TNN: variants seen among roughly 807,000 people sequenced by gnomAD.
The protein encoded by TNN is tenascin-N.
A neutral mutation model predicts 134.4 loss-of-function variants in TNN; 122 were observed. The observed-to-expected ratio is 0.91, with a 90% CI of 0.78 to 1.06. TNN has a LOEUF of 1.06. Among genes scored for constraint, TNN ranks in the 50% least tolerant of loss-of-function variants. TNN has a pLI of 0.00. For synonymous variants in TNN, 710 were observed against 670.3 expected, an observed-to-expected ratio of 1.06 and a Z score of -0.91; for missense variants, 1,739 against 1,699.4, an observed-to-expected ratio of 1.02 and a Z score of -0.41.
intron 9 of TNN, among the ~76,000 whole-genome samples, chr1:175,114,202 C>A (rs1675107164): frequency 2.0e-5 from 3 of 152,154 alleles, no homozygotes; most frequent in South Asian, 2.1e-4. Context: ...TCTAGAGTGG[C>A]TTTCTTAGAG....
At chr1:175,079,823 C>T (rs1315817382) in intron 3 of TNN, 116 bp downstream of exon 3, 9 of 1,359,726 alleles carry the variant, frequency 6.6e-6, no homozygotes, top group East Asian at 2.5e-5. Flanking sequence ...CGCCAGATTG[C>T]TGAGTCCCAA....
At chr1:175,123,943 G>T (rs1458600495) in intron 12 of TNN, among the ~76,000 whole-genome samples, 1 of 152,212 alleles carries the variant, frequency 6.6e-6, no homozygotes, top group African/African-American at 2.4e-5. Flanking sequence ...TGGAGAAAAT[G>T]GTTGGGCCTC....
At chr1:175,084,867 C>T (rs1414410846) in intron 5 of TNN, among the ~76,000 whole-genome samples, 4 of 152,176 alleles carry the variant, frequency 2.6e-5, no homozygotes, top group African/African-American at 9.7e-5. Context: ...TGGCTCATGC[C>T]TGTGGTCCCA....
At chr1:175,070,684 A>G (rs1673896676) in intron 1 of TNN, among the ~76,000 whole-genome samples, 1 of 152,224 alleles carries the variant, frequency 6.6e-6, no homozygotes, top group Non-Finnish European at 1.5e-5. Flanking sequence ...GTTTGTATGT[A>G]CTTGCTTCTA....
chr1:175,095,604 C>T (rs1035100799), intron 7 of TNN, among the ~76,000 whole-genome samples: 2 of 152,204 alleles, frequency 1.3e-5, no homozygotes, highest in East Asian at 1.9e-4. Flanking sequence ...GACAGAGTCT[C>T]GCTCTCTTGC....
chr1:175,139,959 A>T (rs1456870411), intron 17 of TNN, among the ~76,000 whole-genome samples: 1 of 152,258 alleles, frequency 6.6e-6, no homozygotes, highest in African/African-American at 2.4e-5. Flanking sequence ...TCAGATATAG[A>T]AAAAGGCAGT....
chr1:175,121,399 C>A (rs1216922623), intron 11 of TNN, among the ~76,000 whole-genome samples: 1 of 152,184 alleles, frequency 6.6e-6, no homozygotes, highest in East Asian at 1.9e-4. Flanking sequence ...GGTGGAAGAG[C>A]AAGTGGCCTG....
rs537906597 is a variant in TNN at position 175,068,155 on chromosome 1, A to C, written c.-36+220A>C. Among the ~76,000 whole-genome samples the C allele has an allele frequency of 6.6e-5, 10 of 152,354 alleles. No homozygotes were observed. The East Asian group carries it at 1.9e-3, about 29-fold the overall frequency. On this transcript the variant is annotated intron_variant, in intron 1 of 18. Transcript: ENST00000239462. ...TTAGTATTATACTCCAGTCTCAGAC[A>C]GGGCTAAGCATAGTTATCCTCTTTC... is the stretch of plus-strand genomic sequence containing the variant.
intron 1 of TNN, among the ~76,000 whole-genome samples, chr1:175,069,194 T>A (rs1673863614): frequency 6.6e-6 from 1 of 152,160 alleles, no homozygotes; most frequent in Admixed American, 6.5e-5. Context: ...AGCTGAGGTG[T>A]CACCAAGGCA....
At chr1:175,108,462 C>T (rs963938102) in intron 9 of TNN, among the ~76,000 whole-genome samples, 4 of 152,262 alleles carry the variant, frequency 2.6e-5, no homozygotes, top group Non-Finnish European at 5.9e-5. Context: ...AGCTCGTACT[C>T]GTCAGCCCTT....
chr1:175,073,392 C>G (rs1040856046), intron 1 of TNN, among the ~76,000 whole-genome samples: 1 of 152,148 alleles, frequency 6.6e-6, no homozygotes, highest in Non-Finnish European at 1.5e-5. Flanking sequence ...TGCCTTCCAA[C>G]TCATTTTCCT....
chr1:175,099,577 A>AGGT (rs1674664794), intron 9 of TNN, among the ~76,000 whole-genome samples: 3 of 97,570 alleles, frequency 3.1e-5, no homozygotes, highest in African/African-American at 1.2e-4. Context: ...GGAAGAGGAG[A>AGGT]GATGAGGGCT....
In TNN at chr1:175,126,959, C is replaced by T. The variant is rs190706871; in HGVS notation, c.2919C>T (p.Leu973=). ...KKADTKAQTE[L]DPPRNLRPSA... is the part of the protein sequence containing the mutation. Reference sequence around the variant, plus strand: ...TACCTGACTTTCTACGTACAGAACTCGACCCTCCCAGAAACCTTCGTCCAT... The same window carrying T: ...TACCTGACTTTCTACGTACAGAACTTGACCCTCCCAGAAACCTTCGTCCAT... The change falls in exon 13 of 19, where the codon CTC becomes CTT. Residue 973 remains leucine, a synonymous_variant. Transcript: ENST00000239462. 175 of 1,610,776 alleles carry T rather than the reference C, an allele frequency of 1.1e-4. No individual in the cohort carries two copies. The East Asian group carries it at 2.0e-3, about 18-fold the overall frequency.
chr1:175,080,132 C>G (rs1674164498), intron 3 of TNN, 31 bp from the exon 4 acceptor site: 2 of 1,607,990 alleles, frequency 1.2e-6, no homozygotes, highest in Non-Finnish European at 1.7e-6. Flanking sequence ...CCTTGCTCAC[C>G]CTCTCTGCCC....
chr1:175,129,142 G>T (rs991576562), intron 15 of TNN, among the ~76,000 whole-genome samples: 1 of 151,780 alleles, frequency 6.6e-6, no homozygotes, highest in Admixed American at 6.6e-5. Flanking sequence ...GATCATGAGG[G>T]GATGTGCTCT....
At chr1:175,085,963 G>A (rs984294476) in intron 6 of TNN, among the ~76,000 whole-genome samples, 1 of 151,966 alleles carries the variant, frequency 6.6e-6, no homozygotes, top group Non-Finnish European at 1.5e-5. Flanking sequence ...TTTGGGCAGG[G>A]AAAGGGAAGC....
rs777679264 is a variant in TNN, at chr1:175,077,686, A to G, written c.268A>G (p.Ile90Val). 4 of 1,614,086 alleles carry G rather than the reference A, an allele frequency of 2.5e-6. No individual in the cohort carries two copies. In the East Asian group the frequency reaches 8.9e-5, roughly 36 times the overall value. ...EEQNIIFRHN[I>V]RLQTPQKDCE... Reference sequence around the variant, plus strand: ...ACAGAACATCATCTTCAGGCACAACATCCGCCTTCAGACGCCACAGAAGGA... The same window carrying G: ...ACAGAACATCATCTTCAGGCACAACGTCCGCCTTCAGACGCCACAGAAGGA... Residue 90 changes from isoleucine to valine, a missense_variant, in exon 2 of 19, where the codon ATC becomes GTC. By Grantham distance (29) the Ile-to-Val change is conservative (BLOSUM62 3). Coordinates refer to ENST00000239462, the MANE Select transcript of TNN (RefSeq NM_022093.2).
chr1:175,132,916 G>A (rs1002647553), intron 15 of TNN, among the ~76,000 whole-genome samples: 1 of 152,206 alleles, frequency 6.6e-6, no homozygotes, highest in African/African-American at 2.4e-5. Flanking sequence ...ATATAAAGAA[G>A]GCACAAATAT....
In TNN at chr1:175,144,565, A is replaced by G. The variant is rs768551374; in HGVS notation, c.3759+15A>G. ...AGCACAGTGAGGTAGGTGACAGGTGAATGTCTTTTCTGTCCCAGGGTATGT... is the reference window on the plus strand; with the variant it reads ...AGCACAGTGAGGTAGGTGACAGGTGGATGTCTTTTCTGTCCCAGGGTATGT... On this transcript the variant is annotated intron_variant, in intron 18 of 18. Transcript: ENST00000239462. 11 of 1,613,172 alleles carry G rather than the reference A, an allele frequency of 6.8e-6. No homozygotes were observed. Among genetic ancestry groups the G allele is most frequent in the Non-Finnish European group, 9.3e-6 (11 of 1,179,504 alleles).
Sources: gnomAD v4.1 joint callset for allele counts (sites outside exome capture counted in the v4.1 genomes callset) on GRCh38, gnomAD v4.1.1 for gene constraint, MANE v1.5 for transcripts, NCBI Gene and HGNC (gene_info 2026-07-23, HGNC 2026-07-21) for gene names.